ANKS1B: variants seen among roughly 807,000 people sequenced by gnomAD.
The protein encoded by ANKS1B is ankyrin repeat and sterile alpha motif domain containing 1B, also known as ankyrin repeat and sterile alpha motif domain-containing protein 1B.
In ANKS1B, 36 loss-of-function variants were observed where a neutral mutation model predicts 148.3. That is an observed-to-expected ratio of 0.24 (90% CI 0.19 to 0.32). ANKS1B has a LOEUF of 0.32. ANKS1B is among the 10% of genes least tolerant of loss of function. The probability of loss-of-function intolerance (pLI) is 1.00; values close to 1 mark genes in which losing one functional copy is unlikely to be tolerated. For synonymous variants in ANKS1B, 542 were observed against 560.8 expected, an observed-to-expected ratio of 0.97 and a Z score of 0.47; for missense variants, 1,157 against 1,542.6, an observed-to-expected ratio of 0.75 and a Z score of 4.19.
chr12:99,211,170 G>A (rs556092530), intron 14 of ANKS1B, among the ~76,000 whole-genome samples: 9 of 152,292 alleles, frequency 5.9e-5, no homozygotes, highest in Non-Finnish European at 1.3e-4. Context: ...ATGACCAAAA[G>A]GGGGAAATTG....
chr12:98,912,252 T>G (rs943946996), intron 17 of ANKS1B, among the ~76,000 whole-genome samples: 1 of 152,176 alleles, frequency 6.6e-6, no homozygotes, highest in Non-Finnish European at 1.5e-5. Context: ...GCAGCCTGGC[T>G]CCAGAGTGTC....
rs1408055987 is a variant in ANKS1B, at chr12:99,425,163, T to A, written c.1575+18510A>T. Among the ~76,000 whole-genome samples the A allele has an allele frequency of 2.0e-5, 3 of 151,898 alleles. No homozygotes were observed. In the East Asian group the frequency reaches 5.8e-4, roughly 29 times the overall value. On this transcript the variant is annotated intron_variant, in intron 11 of 26. Transcript: ENST00000683438. ...CTAAAGTTTTTCTTTTAACAATATATAAACACACACCCACAGTTGTACATA... is the reference window on the plus strand; with the variant it reads ...CTAAAGTTTTTCTTTTAACAATATAAAAACACACACCCACAGTTGTACATA...
At chr12:99,900,428 C>T (rs137960119) in intron 1 of ANKS1B, among the ~76,000 whole-genome samples, 4,286 of 150,120 alleles carry the variant, frequency 0.029, 177 homozygotes, top group African/African-American at 0.094. Flanking sequence ...ATCACTTGAA[C>T]CCGGGAGGCG....
At chr12:99,169,442 A>C (rs923666904) in intron 14 of ANKS1B, among the ~76,000 whole-genome samples, 28 of 152,206 alleles carry the variant, frequency 1.8e-4, no homozygotes, top group African/African-American at 6.8e-4. Context: ...GAGTTTTAAA[A>C]AAAAGATGAA....
At chr12:99,210,398 G>A (rs1123499) in intron 14 of ANKS1B, among the ~76,000 whole-genome samples, 9,915 of 152,038 alleles carry the variant, frequency 0.065, 669 homozygotes, top group African/African-American at 0.18. Flanking sequence ...TTGCTCAGCA[G>A]GATAGACTTG....
intron 9 of ANKS1B, among the ~76,000 whole-genome samples, chr12:99,597,568 G>C (rs564418824): frequency 5.3e-5 from 8 of 152,104 alleles, no homozygotes; most frequent in African/African-American, 1.9e-4. Flanking sequence ...GCATTTAAGT[G>C]TCCTCAGGGA....
chr12:99,592,430 C>A (rs1032022295), intron 9 of ANKS1B, among the ~76,000 whole-genome samples: 2 of 150,382 alleles, frequency 1.3e-5, no homozygotes, highest in African/African-American at 4.9e-5. Flanking sequence ...CTATCCACCC[C>A]ACAACTCAAA....
chr12:99,521,733 G>GCT lies in ANKS1B; in HGVS notation c.1273-17094_1273-17093dup, dbSNP rs1204383402. Among the ~76,000 whole-genome samples the GCT allele has an allele frequency of 2.9e-4, 42 of 145,954 alleles. 1 individual carries two copies. The highest frequency in any genetic ancestry group is 3.5e-3 in the Middle Eastern group (1 of 288). ...GTCAGTGTCTCTCTCTCAATCTCTC[G>GCT]CTCTCTCTCTCTCTCTGCTGAGCCA... is the stretch of plus-strand genomic sequence containing the variant. On this transcript the variant is annotated intron_variant, in intron 9 of 26. Transcript: ENST00000683438.
chr12:99,037,443 T>C (rs1291033838), intron 17 of ANKS1B, among the ~76,000 whole-genome samples: 1 of 151,572 alleles, frequency 6.6e-6, no homozygotes, highest in Non-Finnish European at 1.5e-5. Context: ...AGGCAGAGGT[T>C]GCAGTGAGCC....
intron 1 of ANKS1B, among the ~76,000 whole-genome samples, chr12:99,916,020 T>C (rs1257889864): frequency 1.3e-5 from 2 of 151,936 alleles, no homozygotes; most frequent in African/African-American, 4.9e-5. Context: ...GGGCACAACC[T>C]ACCCCAGTAT....
At chr12:99,698,481 G>A (rs561226747) in intron 8 of ANKS1B, among the ~76,000 whole-genome samples, 16 of 151,980 alleles carry the variant, frequency 1.1e-4, no homozygotes, top group African/African-American at 3.6e-4. Flanking sequence ...TTGGGAACTG[G>A]GATTTTCACC....
chr12:98,960,326 G>T (rs2153132140), intron 17 of ANKS1B, among the ~76,000 whole-genome samples: 1 of 152,210 alleles, frequency 6.6e-6, no homozygotes, highest in African/African-American at 2.4e-5. Flanking sequence ...AGAAAGTAAG[G>T]GAAGAGAACA....
intron 1 of ANKS1B, among the ~76,000 whole-genome samples, chr12:99,959,561 T>G (rs974228436): frequency 6.6e-6 from 1 of 152,190 alleles, no homozygotes; most frequent in Non-Finnish European, 1.5e-5. Flanking sequence ...GAGGTAAGTA[T>G]TGTATATTTA....
intron 8 of ANKS1B, among the ~76,000 whole-genome samples, chr12:99,767,839 T>A (rs995145654): frequency 1.3e-5 from 2 of 152,134 alleles, no homozygotes; most frequent in African/African-American, 4.8e-5. Flanking sequence ...TCCAATTGAA[T>A]ACATTCAATC....
At chr12:99,459,377 C>T (rs1233055055) in intron 10 of ANKS1B, among the ~76,000 whole-genome samples, 1 of 152,010 alleles carries the variant, frequency 6.6e-6, no homozygotes, top group African/African-American at 2.4e-5. Context: ...TTCACCACTT[C>T]TATTAAACAT....
At chr12:99,700,268 C>T (rs943143793) in intron 8 of ANKS1B, among the ~76,000 whole-genome samples, 1 of 152,108 alleles carries the variant, frequency 6.6e-6, no homozygotes, top group Non-Finnish European at 1.5e-5. Context: ...ACCAAAAGCC[C>T]TGATATTTCT....
intron 1 of ANKS1B, among the ~76,000 whole-genome samples, chr12:99,950,637 T>A (rs1358195143): frequency 6.6e-6 from 1 of 152,144 alleles, no homozygotes; most frequent in East Asian, 1.9e-4. Context: ...CCTATCACTA[T>A]TTTTTCTGAG....
intron 1 of ANKS1B, among the ~76,000 whole-genome samples, chr12:99,955,755 A>C (rs2095313371): frequency 6.6e-6 from 1 of 152,124 alleles, no homozygotes; most frequent in Non-Finnish European, 1.5e-5. Flanking sequence ...TCAGTTACCA[A>C]AATATTTATT....
intron 9 of ANKS1B, among the ~76,000 whole-genome samples, chr12:99,521,362 A>G (rs2096873210): frequency 6.6e-6 from 1 of 152,076 alleles, no homozygotes; most frequent in South Asian, 2.1e-4. Context: ...ATGGTCATGT[A>G]CCTCTGTTTC....
Sources: allele counts gnomAD v4.1 joint callset (sites outside exome capture counted in the v4.1 genomes callset), GRCh38; gene constraint gnomAD v4.1.1; transcripts MANE v1.5; gene names NCBI Gene and HGNC (gene_info 2026-07-23, HGNC 2026-07-21).